Variants in RPS6KA2 observed in about 807,000 individuals in gnomAD.
The protein encoded by RPS6KA2 is ribosomal protein S6 kinase alpha-2.
In RPS6KA2, 42 loss-of-function variants were observed where a neutral mutation model predicts 91.8. The observed-to-expected ratio is 0.46, with a 90% CI of 0.36 to 0.59. The LOEUF (loss-of-function observed/expected upper bound fraction) is 0.59. Among genes scored for constraint, RPS6KA2 ranks in the 20% least tolerant of loss-of-function variants. The pLI, the probability that RPS6KA2 is intolerant of heterozygous loss-of-function variation, is 0.00. For synonymous variants in RPS6KA2, 414 were observed against 393.6 expected, an observed-to-expected ratio of 1.05 and a Z score of -0.61; for missense variants, 798 against 978.5, an observed-to-expected ratio of 0.82 and a Z score of 2.46.
chr6:166,708,735 A>G (rs1169059631), intron 2 of RPS6KA2, among the ~76,000 whole-genome samples: 2 of 152,220 alleles, frequency 1.3e-5, no homozygotes, highest in Non-Finnish European at 2.9e-5. Flanking sequence ...GTTACAATAA[A>G]TAACTTTCTC....
In RPS6KA2 at chr6:166,493,748, G is replaced by A. The variant is rs577900470; in HGVS notation, c.748-3007C>T. On this transcript the variant is annotated intron_variant, in intron 8 of 20. Transcript: ENST00000265678. This position sits in a 1 kb window ranked among gnomAD's most constrained non-coding sequence, Gnocchi z 4.7. ...CCGTTGCCTGCCAGGGGACATTTCCGGCTGTCATGCCCGGGAGCCCTGGTG... is the reference window on the plus strand; with the variant it reads ...CCGTTGCCTGCCAGGGGACATTTCCAGCTGTCATGCCCGGGAGCCCTGGTG... 2.6e-5 allele frequency among the ~76,000 whole-genome samples: 4 copies of A among 152,272 alleles called. No individual in the cohort carries two copies. The highest frequency in any genetic ancestry group is 1.3e-4 in the Admixed American group (2 of 15,310).
At chr6:166,507,149 C>G (rs1402905952) in intron 5 of RPS6KA2, among the ~76,000 whole-genome samples, 1 of 152,088 alleles carries the variant, frequency 6.6e-6, no homozygotes, top group Non-Finnish European at 1.5e-5. Context: ...CCTCCCTCTT[C>G]CCTCCCTCTT....
intron 1 of RPS6KA2, among the ~76,000 whole-genome samples, chr6:166,551,932 G>A (rs1784033473): frequency 1.3e-5 from 2 of 152,218 alleles, no homozygotes; most frequent in African/African-American, 2.4e-5. Flanking sequence ...TATTTCAAGT[G>A]AGGCGACAAA....
chr6:166,779,442 A>G (rs1583108184), intron 2 of RPS6KA2, among the ~76,000 whole-genome samples: 1 of 151,900 alleles, frequency 6.6e-6, no homozygotes, highest in African/African-American at 2.4e-5. Context: ...ATGCTCAGGG[A>G]CCCCCGGGCT....
chr6:166,447,746 G>T (rs544141005), intron 14 of RPS6KA2, among the ~76,000 whole-genome samples: 2 of 152,134 alleles, frequency 1.3e-5, no homozygotes, highest in African/African-American at 4.8e-5. Context: ...CTTTTTACAC[G>T]ACTTGCTGGC....
At chr6:166,765,341 G>A (rs1204204648) in intron 2 of RPS6KA2, among the ~76,000 whole-genome samples, 4 of 152,152 alleles carry the variant, frequency 2.6e-5, no homozygotes, top group Non-Finnish European at 4.4e-5. Context: ...GCTCCGGGAC[G>A]CGTGGTGACG....
chr6:166,735,397 T>C (rs979242913), intron 2 of RPS6KA2, among the ~76,000 whole-genome samples: 2 of 152,234 alleles, frequency 1.3e-5, no homozygotes, highest in African/African-American at 2.4e-5. Context: ...ACTGGTTTTG[T>C]GGCAGATAAT....
intron 11 of RPS6KA2, among the ~76,000 whole-genome samples, chr6:166,466,407 AG>A (rs1780523695): frequency 6.6e-6 from 1 of 152,222 alleles, no homozygotes; most frequent in Non-Finnish European, 1.5e-5. Context: ...CAAGTGCGTA[AG>A]CCCTTCTGGG....
At chr6:166,432,780 C>T (rs1779178263) in intron 14 of RPS6KA2, among the ~76,000 whole-genome samples, 1 of 152,064 alleles carries the variant, frequency 6.6e-6, no homozygotes, top group Admixed American at 6.6e-5. Context: ...GGCTTGAGGT[C>T]AGGAGTTTAA....
intron 1 of RPS6KA2, among the ~76,000 whole-genome samples, chr6:166,588,091 G>A (rs183500810): frequency 6.6e-6 from 1 of 152,244 alleles, no homozygotes; most frequent in East Asian, 1.9e-4. Context: ...CAAGAAACAG[G>A]GGACCTTCGT....
intron 1 of RPS6KA2, among the ~76,000 whole-genome samples, chr6:166,574,775 C>A (rs937976176): frequency 1.7e-4 from 26 of 152,140 alleles, no homozygotes; most frequent in African/African-American, 4.8e-4. Flanking sequence ...AGGAAACATA[C>A]AAATGATTGC....
At chr6:166,705,949 C>T (rs950342350) in intron 2 of RPS6KA2, among the ~76,000 whole-genome samples, 5 of 152,006 alleles carry the variant, frequency 3.3e-5, no homozygotes, top group East Asian at 1.9e-4. Flanking sequence ...TAAAAGAGAC[C>T]TTATGAAAGA....
chr6:166,496,903 A>G (rs561936745), intron 8 of RPS6KA2, among the ~76,000 whole-genome samples: 1 of 152,314 alleles, frequency 6.6e-6, no homozygotes, highest in East Asian at 1.9e-4. Flanking sequence ...GCAACATCAG[A>G]CTTCCCTGCA....
In RPS6KA2 at chr6:166,459,873, T is replaced by G. The variant is rs929364733; in HGVS notation, c.973-322A>C. On this transcript the variant is annotated intron_variant, in intron 11 of 20. Coordinates refer to ENST00000265678, the MANE Select transcript of RPS6KA2 (RefSeq NM_021135.6). This position sits in a 1 kb window ranked among gnomAD's most constrained non-coding sequence, Gnocchi z 4.9. ...GGGCAATAGTTTTCTAGCTTCTTCT[T>G]GGTAGTAGAATCTTCTTTTCCAAGT... Among the ~76,000 whole-genome samples the G allele has an allele frequency of 6.6e-6, 1 of 152,230 alleles. No homozygotes were observed. The highest frequency in any genetic ancestry group is 1.5e-5 in the Non-Finnish European group (1 of 68,034).
At chr6:166,783,310 G>A (rs75807187) in intron 2 of RPS6KA2, among the ~76,000 whole-genome samples, 3 of 151,846 alleles carry the variant, frequency 2.0e-5, no homozygotes, top group Non-Finnish European at 2.9e-5. Flanking sequence ...GGGCCTCGTC[G>A]AATCAGTTGA....
chr6:166,648,142 ACGCACATGGTTACACACC>A lies in RPS6KA2; in HGVS notation c.124-109376_124-109359del, dbSNP rs1787715290. Among the ~76,000 whole-genome samples, 1 of 150,596 alleles carries A rather than the reference ACGCACATGGTTACACACC, an allele frequency of 6.6e-6. No homozygotes were observed. Among genetic ancestry groups the A allele is most frequent in the African/African-American group, 2.4e-5 (1 of 40,924 alleles). The stretch of plus-strand genomic sequence containing the variant: ...CACGCTCATACACATACATGCACAC[ACGCACATGGTTACACACC>A]CATGCACACATGCTCACACACATGC... On this transcript the variant is annotated intron_variant, in intron 2 of 21. Coordinates refer to the RPS6KA2 transcript ENST00000503859. The surrounding 1 kb of genome is among the most constrained non-coding windows in gnomAD (Gnocchi z 4.8).
chr6:166,718,118 G>C (rs1299576211), intron 2 of RPS6KA2, among the ~76,000 whole-genome samples: 1 of 152,220 alleles, frequency 6.6e-6, no homozygotes, highest in East Asian at 1.9e-4. Flanking sequence ...AAAGTGCTGG[G>C]ATTACAGGCG....
At chr6:166,791,762 A>G (rs1562442205) in intron 2 of RPS6KA2, among the ~76,000 whole-genome samples, 1 of 151,606 alleles carries the variant, frequency 6.6e-6, no homozygotes, top group Non-Finnish European at 1.5e-5. Context: ...CTCTTGAATG[A>G]CCACTGGGTA....
At chr6:166,466,472 G>A (rs1562513535) in intron 11 of RPS6KA2, among the ~76,000 whole-genome samples, 1 of 152,206 alleles carries the variant, frequency 6.6e-6, no homozygotes, top group African/African-American at 2.4e-5. Context: ...GTGTTGCACT[G>A]TGTCACCTGG....
Sources: gnomAD v4.1 joint callset for allele counts (sites outside exome capture counted in the v4.1 genomes callset) on GRCh38, gnomAD v4.1.1 for gene constraint, Gnocchi (gnomAD v3.1) non-coding constraint, MANE v1.5 for transcripts, NCBI Gene and HGNC (gene_info 2026-07-23, HGNC 2026-07-21) for gene names.